NRG1: variants seen among roughly 807,000 people sequenced by gnomAD.
The protein encoded by NRG1 is pro-neuregulin-1, membrane-bound isoform.
In NRG1, 18 loss-of-function variants were observed where a neutral mutation model predicts 63.8. The observed-to-expected ratio is 0.28, with a 90% CI of 0.19 to 0.42. The LOEUF (loss-of-function observed/expected upper bound fraction) is 0.42, where lower values mean the gene tolerates loss of function less well. NRG1 is among the 10% of genes least tolerant of loss of function. NRG1 has a pLI of 1.00. For missense variants in NRG1, 762 were observed against 814.7 expected (o/e 0.94, Z 0.79); for synonymous variants, 302 against 301.3 (o/e 1.00, Z -0.02).
At chr8:32,711,952 A>G (rs1589354631) in intron 5 of NRG1, among the ~76,000 whole-genome samples, 1 of 152,184 alleles carries the variant, frequency 6.6e-6, no homozygotes, top group Non-Finnish European at 1.5e-5. Context: ...TCTTAGTTCT[A>G]CTTTTAACAT....
chr8:32,313,604 A>T (rs1383901185), intron 1 of NRG1, among the ~76,000 whole-genome samples: 1 of 152,208 alleles, frequency 6.6e-6, no homozygotes, highest in Non-Finnish European at 1.5e-5. Context: ...CCCAGGGACC[A>T]CTTCAAGATG....
At chr8:32,008,340 A>G (rs1318670761) in intron 1 of NRG1, among the ~76,000 whole-genome samples, 2 of 152,028 alleles carry the variant, frequency 1.3e-5, no homozygotes, top group Non-Finnish European at 2.9e-5. Context: ...CACATGTATA[A>G]CTATTCCATT....
chr8:32,068,894 G>C (rs1563749339), intron 1 of NRG1, among the ~76,000 whole-genome samples: 1 of 152,206 alleles, frequency 6.6e-6, no homozygotes, highest in Admixed American at 6.5e-5. Flanking sequence ...TCATTACTCT[G>C]AGCTGGGACT....
chr8:31,855,973 G>A (rs1181521196), intron 1 of NRG1, among the ~76,000 whole-genome samples: 7 of 150,740 alleles, frequency 4.6e-5, no homozygotes, highest in South Asian at 2.1e-4. Context: ...AGTTTCTGCC[G>A]AGAGATCTGC....
intron 1 of NRG1, among the ~76,000 whole-genome samples, chr8:31,839,375 A>G (rs944057375): frequency 6.6e-6 from 1 of 152,186 alleles, no homozygotes; most frequent in Admixed American, 6.5e-5. Context: ...CCACAAATAA[A>G]CAGAAAATAT....
chr8:32,581,562 G>A (rs535263264), intron 1 of NRG1, among the ~76,000 whole-genome samples: 27 of 152,206 alleles, frequency 1.8e-4, no homozygotes, highest in African/African-American at 6.5e-4. Flanking sequence ...TAACTTCCAG[G>A]AGCCTCTGTC....
intron 1 of NRG1, among the ~76,000 whole-genome samples, chr8:32,458,443 G>A (rs966007705): frequency 1.3e-5 from 2 of 152,170 alleles, no homozygotes; most frequent in Middle Eastern, 3.2e-3. Context: ...GCTATAAGAA[G>A]AAATTAACCA....
At position 31,880,918 on chromosome 8, in the gene NRG1, T is replaced by C. The variant is rs539452840; in HGVS notation, c.37+241487T>C. ...ATAGAAATCAATGGACTGGAGTATA[T>C]GCATTTGTCTATCTTGGATTGATCT... On this transcript the variant is annotated intron_variant, in intron 1 of 10. Coordinates refer to the NRG1 transcript ENST00000519301. Among the ~76,000 whole-genome samples the C allele has an allele frequency of 1.1e-4, 17 of 152,326 alleles. No homozygotes were observed. In the East Asian group the frequency reaches 1.7e-3, roughly 16 times the overall value.
At chr8:31,863,126 C>T (rs1453076414) in intron 1 of NRG1, among the ~76,000 whole-genome samples, 2 of 152,172 alleles carry the variant, frequency 1.3e-5, no homozygotes, top group Non-Finnish European at 2.9e-5. Flanking sequence ...TGCTTGTAAG[C>T]ACATTCACAC....
At chr8:31,993,402 C>T (rs1191877801) in intron 1 of NRG1, among the ~76,000 whole-genome samples, 2 of 151,962 alleles carry the variant, frequency 1.3e-5, no homozygotes, top group Non-Finnish European at 1.5e-5. Context: ...TTGAATCTCA[C>T]CTTGAGTTAT....
chr8:31,640,062 G>C lies in NRG1; in HGVS notation c.37+631G>C. Reference sequence around the variant, plus strand: ...AGCGCCCCGGCTCCGCCGCCCGCTCGTCGCCGCCGCTGCCGCTGCTGCCAC... The same window carrying C: ...AGCGCCCCGGCTCCGCCGCCCGCTCCTCGCCGCCGCTGCCGCTGCTGCCAC... On this transcript the variant is annotated intron_variant, in intron 1 of 10. Coordinates refer to the NRG1 transcript ENST00000519301. The surrounding 1 kb of genome is among the most constrained non-coding windows in gnomAD (Gnocchi z 6.3). 8.8e-7 allele frequency: 1 copy of C among 1,139,770 alleles called. No homozygotes were observed. The highest frequency in any genetic ancestry group is 1.1e-6 in the Non-Finnish European group (1 of 930,556). 70.6% of individuals were successfully genotyped at this position (1,139,770 alleles called of 1,614,324 possible).
chr8:31,684,623 A>G (rs1808672063), intron 1 of NRG1, among the ~76,000 whole-genome samples: 1 of 152,182 alleles, frequency 6.6e-6, no homozygotes, highest in African/African-American at 2.4e-5. Flanking sequence ...ACTTTTGAGA[A>G]CCACTATTAC....
chr8:31,952,234 G>A (rs1042781557), intron 1 of NRG1, among the ~76,000 whole-genome samples: 1 of 152,192 alleles, frequency 6.6e-6, no homozygotes, highest in African/African-American at 2.4e-5. Context: ...TATCATGACT[G>A]GAACTTTTCT....
At chr8:32,043,659 A>G (rs903204893) in intron 1 of NRG1, among the ~76,000 whole-genome samples, 1 of 151,968 alleles carries the variant, frequency 6.6e-6, no homozygotes, top group Non-Finnish European at 1.5e-5. Flanking sequence ...ACTATAATAT[A>G]AAAGGACCTA....
chr8:32,071,138 C>T (rs1274544562), intron 1 of NRG1, among the ~76,000 whole-genome samples: 1 of 152,228 alleles, frequency 6.6e-6, no homozygotes, highest in Non-Finnish European at 1.5e-5. Flanking sequence ...CTTCTCATGA[C>T]TGGTGCTTGC....
At chr8:32,588,274 A>G (rs1841971472) in intron 1 of NRG1, among the ~76,000 whole-genome samples, 1 of 152,136 alleles carries the variant, frequency 6.6e-6, no homozygotes, top group Admixed American at 6.5e-5. Context: ...CAGATGGAGA[A>G]TCTGATTAAT....
chr8:32,170,678 T>C (rs1409211650), intron 1 of NRG1, among the ~76,000 whole-genome samples: 1 of 152,218 alleles, frequency 6.6e-6, no homozygotes, highest in African/African-American at 2.4e-5. Context: ...ATTTAAGGTG[T>C]TCAACTAACT....
chr8:32,506,931 C>T (rs1828607648), intron 1 of NRG1, among the ~76,000 whole-genome samples: 3 of 152,094 alleles, frequency 2.0e-5, no homozygotes, highest in African/African-American at 4.8e-5. Context: ...CAATCTCCTA[C>T]AGCATTCTAT....
chr8:32,574,716 C>T, intron 1 of NRG1, among the ~76,000 whole-genome samples: 1 of 152,168 alleles, frequency 6.6e-6, no homozygotes, highest in South Asian at 2.1e-4. Context: ...TGGCAGATGC[C>T]AGCATCAGGC....
Sources: gnomAD v4.1 joint callset for allele counts (sites outside exome capture counted in the v4.1 genomes callset) on GRCh38, gnomAD v4.1.1 for gene constraint, Gnocchi (gnomAD v3.1) non-coding constraint, MANE v1.5 for transcripts, NCBI Gene and HGNC (gene_info 2026-07-23, HGNC 2026-07-21) for gene names.